The following COLQ variants were observed in gnomAD, a reference collection of about 807,000 sequenced individuals.
COLQ encodes the protein collagen like tail subunit of asymmetric acetylcholinesterase, also known as acetylcholinesterase collagenic tail peptide.
Under a neutral mutation model 69.0 loss-of-function variants are expected in COLQ, and 48 were observed. That is an observed-to-expected ratio of 0.70 (90% CI 0.55 to 0.88). The LOEUF (loss-of-function observed/expected upper bound fraction) is 0.88, where lower values mean the gene tolerates loss of function less well. Ranked by LOEUF, COLQ falls within the 40% of genes least tolerant of loss-of-function variation. The pLI, the probability that COLQ is intolerant of heterozygous loss-of-function variation, is 0.00. For missense variants in COLQ, 618 were observed against 594.6 expected (o/e 1.04, Z -0.41); for synonymous variants, 217 against 211.2 (o/e 1.03, Z -0.24).
intron 1 of COLQ, among the ~76,000 whole-genome samples, chr3:15,498,177 A>T (rs2062775587): frequency 6.6e-6 from 1 of 152,132 alleles, no homozygotes. Context: ...GCTGCCAGCC[A>T]AGGTACCAGC....
chr3:15,476,958 A>C (rs2062389376), intron 6 of COLQ, among the ~76,000 whole-genome samples, 168 bp downstream of exon 6: 1 of 152,230 alleles, frequency 6.6e-6, no homozygotes, highest in Non-Finnish European at 1.5e-5. Flanking sequence ...CTTGCAGGCC[A>C]AGTGAAGGAG....
intron 11 of COLQ, among the ~76,000 whole-genome samples, chr3:15,466,765 C>T (rs1299297297): frequency 2.6e-5 from 4 of 152,230 alleles, no homozygotes; most frequent in Non-Finnish European, 4.4e-5. Flanking sequence ...ATTGGCTTCC[C>T]GTTGCACTCA....
intron 15 of COLQ, 107 bp from the exon 16 acceptor site, chr3:15,454,038 C>G (rs770615065): frequency 3.9e-6 from 3 of 770,050 alleles, no homozygotes; most frequent in Non-Finnish European, 6.8e-6. Context: ...AGTGCTGCAC[C>G]CCTTAAAGAA....
intron 2 of COLQ, among the ~76,000 whole-genome samples, chr3:15,489,205 A>G (rs1427281240): frequency 1.3e-5 from 2 of 152,212 alleles, no homozygotes; most frequent in African/African-American, 4.8e-5. Context: ...TCCATGTTTG[A>G]GCAGCTGATG....
intron 1 of COLQ, among the ~76,000 whole-genome samples, chr3:15,515,651 T>C (rs1291652592): frequency 6.6e-6 from 1 of 151,886 alleles, no homozygotes; most frequent in African/African-American, 2.4e-5. Flanking sequence ...CTACTAAAAA[T>C]ACAAATTAAC....
chr3:15,512,472 G>C (rs913907964), intron 1 of COLQ, among the ~76,000 whole-genome samples: 2 of 152,170 alleles, frequency 1.3e-5, no homozygotes, highest in African/African-American at 4.8e-5. Flanking sequence ...TGGGGAAGCC[G>C]GTCACCACGA....
chr3:15,461,512 G>C (rs1288485618), intron 12 of COLQ, among the ~76,000 whole-genome samples: 1 of 152,190 alleles, frequency 6.6e-6, no homozygotes, highest in Non-Finnish European at 1.5e-5. Flanking sequence ...TGCAGCCAGA[G>C]GACCTGGCTC....
chr3:15,466,745 A>G (rs2062206222), intron 11 of COLQ, among the ~76,000 whole-genome samples: 1 of 152,202 alleles, frequency 6.6e-6, no homozygotes, highest in South Asian at 2.1e-4. Context: ...GAAATGAGCT[A>G]TTTTCACTCA....
intron 11 of COLQ, among the ~76,000 whole-genome samples, chr3:15,469,060 G>C (rs940955639): frequency 6.6e-6 from 1 of 152,134 alleles, no homozygotes; most frequent in South Asian, 2.1e-4. Flanking sequence ...AGGCTTCTAA[G>C]GCTAACAATT....
rs139296246 is a variant in COLQ, at chr3:15,516,078, C to A, written c.106+5442G>T. Among the ~76,000 whole-genome samples the A allele has an allele frequency of 9.9e-5, 15 of 152,280 alleles. No homozygotes were observed. The East Asian group carries it at 2.9e-3, about 29-fold the overall frequency. On this transcript the variant is annotated intron_variant, in intron 1 of 16. Coordinates refer to ENST00000383788, the MANE Select transcript of COLQ (RefSeq NM_005677.4). ...AACAGGACATGAGCCCACTGCTGCA[C>A]GCAGAGGCTTGGGATGGGGTTGGCA...
Position 15,479,332 on chromosome 3 carries a change from C to A in COLQ, c.366+6G>T. The A allele has an allele frequency of 6.2e-7, 1 of 1,613,826 alleles. No homozygotes were observed. The highest frequency in any genetic ancestry group is 8.5e-7 in the Non-Finnish European group (1 of 1,179,690). ...AAGAAGGGTTGAAGAAAGTAGTGGT[C>A]CATACCTTTTCTCCCTTTGGTCCTG... On this transcript the variant is annotated splice_donor_region_variant and intron_variant, in intron 4 of 16. Transcript: ENST00000383788.
intron 1 of COLQ, among the ~76,000 whole-genome samples, chr3:15,521,199 A>T (rs6786296): frequency 6.6e-6 from 1 of 152,014 alleles, no homozygotes; most frequent in African/African-American, 2.4e-5. Flanking sequence ...TTACTTGCAC[A>T]CCTCTGTCTC....
At chr3:15,457,678 T>C (rs569599446) in intron 13 of COLQ, among the ~76,000 whole-genome samples, 13 of 151,960 alleles carry the variant, frequency 8.6e-5, no homozygotes, top group Non-Finnish European at 1.9e-4. Flanking sequence ...AGTGGTGCTA[T>C]CTCAGCTCAC....
chr3:15,498,922 T>C, intron 1 of COLQ: 3 of 1,232,106 alleles, frequency 2.4e-6, no homozygotes, highest in Non-Finnish European at 3.1e-6. Flanking sequence ...AAGAGGAAAT[T>C]GAGAGCAATC....
At chr3:15,507,505 A>C (rs1446048110) in intron 1 of COLQ, among the ~76,000 whole-genome samples, 7 of 152,312 alleles carry the variant, frequency 4.6e-5, no homozygotes, top group Admixed American at 4.6e-4. Context: ...CCCAGGCTGG[A>C]GTACAGTGGT....
rs2062212276 is a variant in COLQ at position 15,467,181 on chromosome 3, C to T, written c.718-744G>A. 2.6e-5 allele frequency among the ~76,000 whole-genome samples: 4 copies of T among 152,358 alleles called. 1 individual carries two copies. The South Asian group carries it at 6.2e-4, about 24-fold the overall frequency. On this transcript the variant is annotated intron_variant, in intron 11 of 16. Transcript: ENST00000383788. The stretch of plus-strand genomic sequence containing the variant: ...GAATCTGTCTAGCTCACCTCCTTTC[C>T]CCAGATGAAATGAGGGAGGACAAAG...
chr3:15,494,300 C>A (rs1286944905), intron 1 of COLQ, among the ~76,000 whole-genome samples: 3 of 151,992 alleles, frequency 2.0e-5, no homozygotes, highest in African/African-American at 7.2e-5. Flanking sequence ...AGAATGGGAG[C>A]ATGCAGCAGG....
At chr3:15,463,537 G>T (rs1488995257) in intron 12 of COLQ, among the ~76,000 whole-genome samples, 1 of 151,838 alleles carries the variant, frequency 6.6e-6, no homozygotes, top group Non-Finnish European at 1.5e-5. Flanking sequence ...TAGTAGAGAT[G>T]GGGTTTCACT....
intron 10 of COLQ, among the ~76,000 whole-genome samples, chr3:15,471,417 TC>T (rs1360190143): frequency 6.6e-6 from 1 of 152,224 alleles, no homozygotes; most frequent in East Asian, 1.9e-4. Context: ...CTCTCCTTCT[TC>T]CCCATTTTCT....
Sources: gnomAD v4.1 joint callset for allele counts (sites outside exome capture counted in the v4.1 genomes callset) on GRCh38, gnomAD v4.1.1 for gene constraint, MANE v1.5 for transcripts, NCBI Gene and HGNC (gene_info 2026-07-23, HGNC 2026-07-21) for gene names.